Variants in SHANK2 observed in about 807,000 individuals in gnomAD.
The protein encoded by SHANK2 is SH3 and multiple ankyrin repeat domains protein 2.
Under a neutral mutation model 133.7 loss-of-function variants are expected in SHANK2, and 43 were observed. That is an observed-to-expected ratio of 0.32 (90% CI 0.25 to 0.41). SHANK2 has a LOEUF of 0.41. SHANK2 is among the 10% of genes least tolerant of loss of function. The probability of loss-of-function intolerance (pLI) is 1.00; values close to 1 mark genes in which losing one functional copy is unlikely to be tolerated. For missense variants in SHANK2, 1,994 were observed against 2,235.8 expected (o/e 0.89, Z 2.18); for synonymous variants, 1,017 against 952.8 (o/e 1.07, Z -1.24).
chr11:71,223,580 C>T (rs1555121684), intron 2 of SHANK2, among the ~76,000 whole-genome samples: 1 of 152,164 alleles, frequency 6.6e-6, no homozygotes, highest in Non-Finnish European at 1.5e-5. Flanking sequence ...GAAAATACTG[C>T]ACCATATTAA....
chr11:70,767,715 C>T (rs1383850804), intron 14 of SHANK2, among the ~76,000 whole-genome samples: 2 of 150,602 alleles, frequency 1.3e-5, no homozygotes, highest in Non-Finnish European at 3.0e-5. Context: ...TGAGGAGTGA[C>T]TGCTAATGAA....
chr11:71,152,272 C>T (rs1555108229), intron 2 of SHANK2, among the ~76,000 whole-genome samples: 1 of 152,154 alleles, frequency 6.6e-6, no homozygotes, highest in Non-Finnish European at 1.5e-5. Flanking sequence ...GCCACCATGC[C>T]TTGCGAATTT....
intron 17 of SHANK2, chr11:70,654,079 C>T (rs952616598): frequency 2.0e-5 from 3 of 152,230 alleles, no homozygotes; most frequent in African/African-American, 7.2e-5. Context: ...TTAGCAAACT[C>T]GAGCACCACT....
intron 8 of SHANK2, among the ~76,000 whole-genome samples, chr11:71,082,636 G>C (rs1214943181): frequency 1.3e-5 from 2 of 152,202 alleles, no homozygotes; most frequent in Non-Finnish European, 2.9e-5. Flanking sequence ...ACCTCCCACA[G>C]GCCTGGGAGG....
At chr11:70,805,016 G>C (rs2010943) in intron 13 of SHANK2, among the ~76,000 whole-genome samples, 1 of 152,212 alleles carries the variant, frequency 6.6e-6, no homozygotes, top group Admixed American at 6.5e-5. Flanking sequence ...ATGGGAGCCT[G>C]TCTGCAGCTC....
intron 17 of SHANK2, among the ~76,000 whole-genome samples, chr11:70,508,536 C>T (rs2059161935): frequency 6.6e-6 from 1 of 152,182 alleles, no homozygotes; most frequent in Non-Finnish European, 1.5e-5. Context: ...TTTGCAGATA[C>T]AGTCAAGTTA....
At chr11:71,094,444 A>G (rs1226074209) in intron 7 of SHANK2, 93 bp downstream of exon 7, 2 of 1,275,742 alleles carry the variant, frequency 1.6e-6, no homozygotes, top group East Asian at 5.1e-5. Flanking sequence ...CTGTGCACGG[A>G]CCCCCTAGGA....
chr11:70,846,264 G>GTAT (rs10610192), intron 11 of SHANK2, among the ~76,000 whole-genome samples: 24 of 151,866 alleles, frequency 1.6e-4, no homozygotes, highest in African/African-American at 3.9e-4. Context: ...CTGTAAATTA[G>GTAT]TATTATTATT....
intron 17 of SHANK2, among the ~76,000 whole-genome samples, chr11:70,504,454 G>A (rs1554967943): frequency 5.3e-5 from 8 of 151,342 alleles, no homozygotes; most frequent in Non-Finnish European, 1.2e-4. Flanking sequence ...GCCCAGGGAG[G>A]ACTCAGTGGG....
At chr11:71,230,353 G>A (rs938634744) in intron 1 of SHANK2, among the ~76,000 whole-genome samples, 6 of 151,920 alleles carry the variant, frequency 3.9e-5, no homozygotes, top group Admixed American at 1.3e-4. Context: ...AGGCCAAGGC[G>A]GGTGGATCAC....
intron 10 of SHANK2, among the ~76,000 whole-genome samples, chr11:70,922,116 C>T (rs1950360041): frequency 1.3e-5 from 2 of 152,122 alleles, no homozygotes; most frequent in South Asian, 4.1e-4. Context: ...AAACTCTAGA[C>T]CTTAAAATCC....
intron 2 of SHANK2, among the ~76,000 whole-genome samples, chr11:71,181,857 C>T (rs1358277246): frequency 2.0e-5 from 3 of 151,434 alleles, no homozygotes; most frequent in African/African-American, 2.4e-5. Context: ...CTACTGAATC[C>T]GAATCTCCAG....
At chr11:70,515,658 A>G (rs1258005025) in intron 17 of SHANK2, among the ~76,000 whole-genome samples, 1 of 150,990 alleles carries the variant, frequency 6.6e-6, no homozygotes, top group African/African-American at 2.4e-5. Flanking sequence ...AAAAAAAAAA[A>G]AACATTTAAA....
chr11:71,098,739 G>A (rs1555096049), intron 6 of SHANK2, among the ~76,000 whole-genome samples: 2 of 152,170 alleles, frequency 1.3e-5, no homozygotes, highest in Admixed American at 6.5e-5. Context: ...ACAAGTGAAC[G>A]GGAGGAAGGG....
chr11:71,058,631 A>C (rs993857659), intron 9 of SHANK2, among the ~76,000 whole-genome samples: 94,571 of 152,216 alleles, frequency 0.62, 31,333 homozygotes, highest in African/African-American at 0.86. Flanking sequence ...TACAGGACTC[A>C]GGGCCTCAGC....
At chr11:70,633,158 C>T (rs560439896) in intron 17 of SHANK2, among the ~76,000 whole-genome samples, 9 of 149,124 alleles carry the variant, frequency 6.0e-5, no homozygotes, top group African/African-American at 2.2e-4. Flanking sequence ...TTATATATAA[C>T]ATATTTATAC....
intron 8 of SHANK2, among the ~76,000 whole-genome samples, chr11:71,084,350 G>A (rs1951348956): frequency 1.3e-5 from 2 of 152,288 alleles, no homozygotes; most frequent in African/African-American, 4.8e-5. Context: ...TGGGGATGGG[G>A]CATATCCCCA....
chr11:70,697,984 C>G (rs1945433631), intron 15 of SHANK2: 3 of 152,666 alleles, frequency 2.0e-5, no homozygotes, highest in African/African-American at 7.2e-5. Flanking sequence ...GGCCTTTCCC[C>G]ACACTCGGGG....
chr11:70,888,380 C>T (rs1225460203), intron 11 of SHANK2, among the ~76,000 whole-genome samples: 6 of 152,310 alleles, frequency 3.9e-5, no homozygotes, highest in African/African-American at 1.2e-4. Flanking sequence ...AGCTCGGCTG[C>T]TCCTGGACTC....
Sources: allele counts gnomAD v4.1 joint callset (sites outside exome capture counted in the v4.1 genomes callset), GRCh38; gene constraint gnomAD v4.1.1; transcripts MANE v1.5; gene names NCBI Gene and HGNC (gene_info 2026-07-23, HGNC 2026-07-21).